The following ERC1 variants were observed in gnomAD, a reference collection of about 807,000 sequenced individuals.
ERC1 encodes RAB6 interacting protein 2.
Under a neutral mutation model 132.0 loss-of-function variants are expected in ERC1, and 56 were observed. The ratio of observed to expected loss-of-function variants is 0.42; its 90% CI spans 0.34 to 0.53. ERC1 has a LOEUF of 0.53. Ranked by LOEUF, ERC1 falls within the 20% of genes least tolerant of loss-of-function variation. ERC1 has a pLI of 0.03. For synonymous variants in ERC1, 478 were observed against 476.1 expected (o/e 1.00, Z -0.05); for missense variants, 1,202 against 1,349.9 (o/e 0.89, Z 1.72).
chr12:1,204,636 G>A, intron 12 of ERC1: 1 of 921,166 alleles, frequency 1.1e-6, no homozygotes, highest in Non-Finnish European at 1.6e-6. Context: ...TAGCTGTGAG[G>A]ATAAAATGTC....
At chr12:1,187,201 A>G (rs1010498863) in intron 11 of ERC1, among the ~76,000 whole-genome samples, 2 of 152,132 alleles carry the variant, frequency 1.3e-5, no homozygotes, top group Admixed American at 6.5e-5. Flanking sequence ...TTGAGTTTGT[A>G]TTATAATTTA....
chr12:1,130,344 T>C (rs985433118), intron 7 of ERC1, among the ~76,000 whole-genome samples: 1 of 152,188 alleles, frequency 6.6e-6, no homozygotes, highest in East Asian at 1.9e-4. Context: ...TGTGAGGGTT[T>C]TCACATAGAG....
At position 1,490,051 on chromosome 12, in the gene ERC1, G is replaced by A. The variant is rs573511086; in HGVS notation, c.3214-42G>A. On this transcript the variant is annotated intron_variant, in intron 18 of 18. Transcript: ENST00000360905. ...AAATAATTCTTAGCTCAGTGCAAAT[G>A]GGATTGTTGTATCTGAAATCCATCT... 4.4e-6 allele frequency: 7 copies of A among 1,598,802 alleles called. No homozygotes were observed. In the East Asian group the frequency reaches 1.1e-4, roughly 26 times the overall value.
At chr12:1,460,324 A>C (rs1318896404) in intron 18 of ERC1, among the ~76,000 whole-genome samples, 1 of 152,236 alleles carries the variant, frequency 6.6e-6, no homozygotes, top group Non-Finnish European at 1.5e-5. Context: ...TATTGAAAAT[A>C]CAAGTATTAG....
chr12:1,297,728 A>AC (rs1183831843), intron 15 of ERC1, among the ~76,000 whole-genome samples: 7 of 151,688 alleles, frequency 4.6e-5, no homozygotes, highest in Non-Finnish European at 8.8e-5. Flanking sequence ...AAAAAAAAAA[A>AC]ACACAGACAT....
intron 17 of ERC1, among the ~76,000 whole-genome samples, chr12:1,417,516 A>G (rs2092176345): frequency 6.6e-6 from 1 of 151,868 alleles, no homozygotes; most frequent in Non-Finnish European, 1.5e-5. Flanking sequence ...GCGGTGGCTC[A>G]TACCTGTAAT....
chr12:1,469,532 C>T (rs1192260189), intron 18 of ERC1, among the ~76,000 whole-genome samples: 2 of 152,362 alleles, frequency 1.3e-5, no homozygotes, highest in East Asian at 3.9e-4. Flanking sequence ...TGGGCTTCGC[C>T]TCCCCTCCGT....
chr12:1,053,387 GT>G (rs1198283216), intron 2 of ERC1, among the ~76,000 whole-genome samples: 2 of 152,138 alleles, frequency 1.3e-5, no homozygotes, highest in Admixed American at 6.5e-5. Context: ...CCCCAGCCAG[GT>G]TAGTTTTGTC....
At chr12:1,053,500 T>C (rs530361216) in intron 2 of ERC1, among the ~76,000 whole-genome samples, 1 of 152,324 alleles carries the variant, frequency 6.6e-6, no homozygotes, top group East Asian at 1.9e-4. Context: ...CTTCTATAAA[T>C]CCTCCTCACC....
At chr12:1,340,610 G>A (rs574453734) in intron 15 of ERC1, among the ~76,000 whole-genome samples, 1 of 152,230 alleles carries the variant, frequency 6.6e-6, no homozygotes, top group South Asian at 2.1e-4. Flanking sequence ...GTAGCCCGGT[G>A]CAGCGTTCCC....
intron 2 of ERC1, among the ~76,000 whole-genome samples, chr12:1,077,494 C>G (rs1941535459): frequency 2.0e-5 from 3 of 152,140 alleles, no homozygotes; most frequent in Non-Finnish European, 4.4e-5. Flanking sequence ...TCACAATATC[C>G]TACCATTTCA....
At chr12:1,410,469 C>T (rs1185669079) in intron 17 of ERC1, 1 of 1,250,840 alleles carries the variant, frequency 8.0e-7, no homozygotes, top group Non-Finnish European at 1.1e-6. Context: ...AAACAGCTTT[C>T]CTTAACTATA....
chr12:1,068,501 A>C (rs1023363021), intron 2 of ERC1, among the ~76,000 whole-genome samples: 2 of 152,108 alleles, frequency 1.3e-5, no homozygotes, highest in African/African-American at 4.8e-5. Context: ...AAAAGTAGTC[A>C]CTCAGGGATA....
chr12:1,417,363 A>G (rs1355474078), intron 17 of ERC1, among the ~76,000 whole-genome samples: 6 of 151,468 alleles, frequency 4.0e-5, no homozygotes, highest in Non-Finnish European at 5.9e-5. Context: ...GTGTGCCTCT[A>G]TCTTCTCTAA....
At chr12:1,022,126 A>T (rs1233248235) in intron 1 of ERC1, among the ~76,000 whole-genome samples, 4 of 152,180 alleles carry the variant, frequency 2.6e-5, no homozygotes, top group African/African-American at 9.7e-5. Context: ...TATGTTGTCC[A>T]GGCTGGTCTT....
At chr12:1,061,709 C>CT (rs1430723680) in intron 2 of ERC1, among the ~76,000 whole-genome samples, 1 of 127,268 alleles carries the variant, frequency 7.9e-6, no homozygotes, top group Non-Finnish European at 1.7e-5. Flanking sequence ...GAATCTCTCT[C>CT]TCCCCCCCCA....
Position 1,482,278 on chromosome 12 carries a change from A to T in ERC1, c.3214-7815A>T, listed in dbSNP as rs555841537. Among the ~76,000 whole-genome samples, 64 of 151,884 alleles carry T rather than the reference A, an allele frequency of 4.2e-4. 3 individuals are homozygous for T. The East Asian group carries it at 0.011, about 27-fold the overall frequency. On this transcript the variant is annotated intron_variant, in intron 18 of 18. Coordinates refer to ENST00000360905, the MANE Select transcript of ERC1 (RefSeq NM_178040.4). ...TACTGTGTTTCCATTTGAACTGACC[A>T]TTTTCTGTCCCCTGCTGTCAAGAAA...
rs913888115 is a variant in ERC1, at chr12:1,492,654, C to T, written c.*2424C>T. 3 of 232,822 alleles carry T rather than the reference C, an allele frequency of 1.3e-5. No individual in the cohort carries two copies. The highest frequency in any genetic ancestry group is 5.6e-5 in the Admixed American group (1 of 17,760). The allele number at this position is 232,822 out of a possible 1,614,324, so 14.4% of individuals were successfully genotyped here. ...CACTGCTTCTGAGAAGAAGCATTTCCGGGACCGATATCATCTGTCTGGTCT... is the reference window on the plus strand; with the variant it reads ...CACTGCTTCTGAGAAGAAGCATTTCTGGGACCGATATCATCTGTCTGGTCT... On this transcript the variant is annotated 3_prime_UTR_variant, in exon 19 of 19. Coordinates refer to ENST00000360905, the MANE Select transcript of ERC1 (RefSeq NM_178040.4).
At chr12:1,018,558 T>C (rs1592724226) in intron 1 of ERC1, among the ~76,000 whole-genome samples, 1 of 152,246 alleles carries the variant, frequency 6.6e-6, no homozygotes, top group Non-Finnish European at 1.5e-5. Context: ...GAGAAAACTT[T>C]CTTAACTTGA....
Sources: allele counts gnomAD v4.1 joint callset (sites outside exome capture counted in the v4.1 genomes callset), GRCh38; gene constraint gnomAD v4.1.1; transcripts MANE v1.5; gene names NCBI Gene and HGNC (gene_info 2026-07-23, HGNC 2026-07-21).